MICU1: variants seen among roughly 807,000 people sequenced by gnomAD.
The protein encoded by MICU1 is mitochondrial calcium uptake 1.
Under a neutral mutation model 56.8 loss-of-function variants are expected in MICU1, and 45 were observed. That is an observed-to-expected ratio of 0.79 (90% confidence interval 0.62 to 1.02). MICU1 has a LOEUF of 1.02. MICU1 is among the 50% of genes least tolerant of loss of function. The pLI is 0.00. For missense variants in MICU1, 504 were observed against 587.1 expected, an observed-to-expected ratio of 0.86 and a Z score of 1.46; for synonymous variants, 186 against 195.1, an observed-to-expected ratio of 0.95 and a Z score of 0.39.
intron 5 of MICU1, among the ~76,000 whole-genome samples, chr10:72,515,111 C>T (rs1589297259): frequency 1.3e-5 from 2 of 152,168 alleles, no homozygotes; most frequent in East Asian, 1.9e-4. Flanking sequence ...CCACATTGCT[C>T]GTTCTGACAC....
At chr10:72,536,342 A>T (rs1839634302) in intron 4 of MICU1, among the ~76,000 whole-genome samples, 1 of 151,964 alleles carries the variant, frequency 6.6e-6, no homozygotes, top group Non-Finnish European at 1.5e-5. Flanking sequence ...AAATAAGGTT[A>T]ATTAATTAAT....
chr10:72,616,734 C>G (rs1473101442), intron 1 of MICU1, among the ~76,000 whole-genome samples: 1 of 151,936 alleles, frequency 6.6e-6, no homozygotes, highest in Non-Finnish European at 1.5e-5. Context: ...TTCCTAGCCT[C>G]AGAAAGTTTC....
chr10:72,486,100 C>T (rs188384035), intron 6 of MICU1, among the ~76,000 whole-genome samples: 5 of 152,038 alleles, frequency 3.3e-5, no homozygotes, highest in Admixed American at 3.3e-4. Flanking sequence ...AACTAAGTTG[C>T]TCAAATTATG....
At chr10:72,402,512 C>G (rs1863487753) in intron 10 of MICU1, among the ~76,000 whole-genome samples, 1 of 151,802 alleles carries the variant, frequency 6.6e-6, no homozygotes, top group Non-Finnish European at 1.5e-5. Context: ...AACTTGAATC[C>G]ATGCTACTGG....
intron 3 of MICU1, among the ~76,000 whole-genome samples, chr10:72,554,453 G>A (rs550425209): frequency 2.6e-5 from 4 of 152,290 alleles, no homozygotes; most frequent in Non-Finnish European, 4.4e-5. Context: ...AGAGAAAAGA[G>A]AAACACGCTG....
intron 1 of MICU1, among the ~76,000 whole-genome samples, chr10:72,623,300 CAAAAAAAAAAA>C (rs1164753291): frequency 1.8e-5 from 1 of 55,948 alleles, no homozygotes; most frequent in African/African-American, 8.0e-5. Context: ...GACTCCGTCT[CAAAAAAAAAAA>C]AAAAAAAAAA....
chr10:72,383,908 C>T (rs935044075), intron 10 of MICU1, among the ~76,000 whole-genome samples: 3 of 151,998 alleles, frequency 2.0e-5, no homozygotes, highest in African/African-American at 4.8e-5. Flanking sequence ...CTGATTCTCC[C>T]GCCTCAGCCT....
At chr10:72,445,508 C>T (rs1002894371) in intron 8 of MICU1, among the ~76,000 whole-genome samples, 6 of 152,170 alleles carry the variant, frequency 3.9e-5, no homozygotes, top group African/African-American at 1.4e-4. Context: ...TTGTAGGAAT[C>T]CTTTCATTTA....
chr10:72,471,584 G>GTTT (rs11447842), intron 8 of MICU1, among the ~76,000 whole-genome samples: 1 of 151,556 alleles, frequency 6.6e-6, no homozygotes, highest in African/African-American at 2.4e-5. Context: ...TGTTTTTATT[G>GTTT]TTTTTTTTAA....
At chr10:72,445,194 A>G (rs780183348) in intron 8 of MICU1, among the ~76,000 whole-genome samples, 2 of 152,226 alleles carry the variant, frequency 1.3e-5, no homozygotes, top group Non-Finnish European at 2.9e-5. Context: ...GGCCAAAACA[A>G]TTTGTACCCA....
intron 8 of MICU1, among the ~76,000 whole-genome samples, chr10:72,455,303 T>C (rs1865424069): frequency 7.9e-6 from 1 of 126,382 alleles, no homozygotes; most frequent in East Asian, 2.3e-4. Context: ...TGAGCCGAGA[T>C]GGTGCCACTG....
chr10:72,590,742 G>A (rs1841200251), intron 1 of MICU1, among the ~76,000 whole-genome samples: 1 of 151,956 alleles, frequency 6.6e-6, no homozygotes, highest in African/African-American at 2.4e-5. Flanking sequence ...GAACCCGGGA[G>A]GCGGAGGTTG....
intron 6 of MICU1, 93 bp from the exon 7 acceptor site, chr10:72,477,349 T>C (rs1866156251): frequency 1.7e-6 from 2 of 1,190,266 alleles, no homozygotes; most frequent in East Asian, 5.1e-5. Flanking sequence ...TAAAATGTAA[T>C]ATCAAAGTCA....
At chr10:72,539,931 T>A (rs1351396030) in intron 4 of MICU1, among the ~76,000 whole-genome samples, 1 of 152,176 alleles carries the variant, frequency 6.6e-6, no homozygotes, top group Non-Finnish European at 1.5e-5. Flanking sequence ...TGAAGAGGAA[T>A]GTACTCTATG....
At chr10:72,589,835 C>T (rs1473632208) in intron 1 of MICU1, among the ~76,000 whole-genome samples, 1 of 152,028 alleles carries the variant, frequency 6.6e-6, no homozygotes, top group African/African-American at 2.4e-5. Flanking sequence ...AAAGCTAGTG[C>T]TTTTGTAATT....
chr10:72,569,237 A>ATATATATATTTTTT, intron 1 of MICU1, among the ~76,000 whole-genome samples: 16 of 34,380 alleles, frequency 4.7e-4, no homozygotes, highest in Non-Finnish European at 5.6e-4. Flanking sequence ...ATATATATAT[A>ATATATATATTTTTT]TTTTTTTTTT....
chr10:72,588,048 T>C (rs183591600), intron 1 of MICU1, among the ~76,000 whole-genome samples: 105 of 152,090 alleles, frequency 6.9e-4, no homozygotes, highest in Non-Finnish European at 1.2e-3. Flanking sequence ...GTTGGAGGAG[T>C]TGCCTCATGG....
chr10:72,461,247 C>A (rs1865630769), intron 8 of MICU1, among the ~76,000 whole-genome samples: 1 of 152,178 alleles, frequency 6.6e-6, no homozygotes, highest in South Asian at 2.1e-4. Context: ...TGAGAAAGGT[C>A]ATTTCTCACA....
intron 1 of MICU1, among the ~76,000 whole-genome samples, chr10:72,623,945 C>T (rs2132598137): frequency 6.6e-6 from 1 of 151,956 alleles, no homozygotes; most frequent in South Asian, 2.1e-4. Context: ...AAGGGATACA[C>T]TAAACAACTG....
Sources: gnomAD v4.1 joint callset for allele counts (sites outside exome capture counted in the v4.1 genomes callset) on GRCh38, gnomAD v4.1.1 for gene constraint, MANE v1.5 for transcripts, NCBI Gene and HGNC (gene_info 2026-07-23, HGNC 2026-07-21) for gene names.